The following ZNF236 variants were observed in gnomAD, a reference collection of about 807,000 sequenced individuals.
The protein encoded by ZNF236 is regulated by glucose.
ZNF236 carries 50 observed loss-of-function variants against 191.2 expected under a neutral mutation model. That is an observed-to-expected ratio of 0.26 (90% CI 0.21 to 0.33). The LOEUF is 0.33. ZNF236 is among the 10% of genes least tolerant of loss of function. ZNF236 has a pLI of 1.00. For missense variants in ZNF236, 1,754 were observed against 2,374.5 expected, an observed-to-expected ratio of 0.74 and a Z score of 5.43; for synonymous variants, 907 against 928.8, an observed-to-expected ratio of 0.98 and a Z score of 0.43.
Position 76,935,870 on chromosome 18 carries a change from T to C in ZNF236, c.4595-1286T>C, listed in dbSNP as rs576652982. On this transcript the variant is annotated intron_variant, in intron 25 of 30. Transcript: ENST00000320610. ...TCCTCGGGCTCCCACCAGCACTCTG[T>C]GCGGATGCTGGAGCAGGCGGGAGGG... 2.3e-5 allele frequency: 10 copies of C among 432,600 alleles called. No homozygotes were observed. The East Asian group carries it at 3.5e-4, about 15-fold the overall frequency. The allele number at this position is 432,600 out of a possible 1,614,324, so 26.8% of individuals were successfully genotyped here.
intron 26 of ZNF236, among the ~76,000 whole-genome samples, chr18:76,940,604 G>A (rs1015834251): frequency 1.3e-5 from 2 of 152,192 alleles, no homozygotes; most frequent in Non-Finnish European, 2.9e-5. Context: ...GAAAAACCCA[G>A]AAAGGCATTT....
intron 1 of ZNF236, among the ~76,000 whole-genome samples, chr18:76,823,455 G>T (rs925963094): frequency 2.0e-5 from 3 of 151,076 alleles, no homozygotes; most frequent in Non-Finnish European, 3.0e-5. Context: ...TTGTGATCCG[G>T]GTAGCTTGAA....
chr18:76,849,489 A>G (rs747770363), intron 1 of ZNF236, 37 bp from the exon 2 acceptor site: 1 of 1,505,674 alleles, frequency 6.6e-7, no homozygotes. Context: ...GAGAATAACA[A>G]CTGGTATTTA....
chr18:76,948,590 G>T (rs1484091037), intron 27 of ZNF236, among the ~76,000 whole-genome samples: 1 of 152,202 alleles, frequency 6.6e-6, no homozygotes, highest in East Asian at 1.9e-4. Flanking sequence ...AAAGGCACGT[G>T]GGGTGGAGTC....
rs748518518 is a variant in ZNF236, at chr18:76,935,956, C to G, written c.4595-1200C>G. On this transcript the variant is annotated intron_variant, in intron 25 of 30. Coordinates refer to ENST00000320610, the MANE Select transcript of ZNF236 (RefSeq NM_001306089.2). ...TTCAGCGCTCGAGCCTCCCAGCCTG[C>G]TAATGGTTCTACTGCTTTTGAAGGT... 1.5e-5 allele frequency: 7 copies of G among 456,772 alleles called. 1 individual carries two copies. The highest frequency in any genetic ancestry group is 1.1e-4 in the South Asian group (7 of 64,564). 28.3% of individuals were successfully genotyped at this position (456,772 alleles called of 1,614,324 possible).
At chr18:76,858,113 T>C (rs769305938) in intron 3 of ZNF236, among the ~76,000 whole-genome samples, 3 of 152,206 alleles carry the variant, frequency 2.0e-5, no homozygotes, top group Non-Finnish European at 2.9e-5. Context: ...CAGCCTCATC[T>C]ACACATAATA....
At chr18:76,849,004 T>C (rs1478757675) in intron 1 of ZNF236, among the ~76,000 whole-genome samples, 1 of 152,224 alleles carries the variant, frequency 6.6e-6, no homozygotes, top group Non-Finnish European at 1.5e-5. Flanking sequence ...TTTTGAGACA[T>C]TGAGTTTGTG....
chr18:76,950,747 T>C (rs575607534), intron 27 of ZNF236, among the ~76,000 whole-genome samples: 4 of 152,298 alleles, frequency 2.6e-5, no homozygotes, highest in African/African-American at 9.6e-5. Context: ...GCATATAGAG[T>C]GGTGAATCCT....
intron 3 of ZNF236, among the ~76,000 whole-genome samples, chr18:76,856,079 TA>T (rs567705085): frequency 2.0e-5 from 3 of 151,192 alleles, no homozygotes; most frequent in African/African-American, 7.3e-5. Flanking sequence ...AATTATTACT[TA>T]AAAAAAAATA....
In ZNF236 at chr18:76,881,345, G is replaced by A; in HGVS notation, c.1250G>A (p.Cys417Tyr). The A allele has an allele frequency of 6.2e-7, 1 of 1,614,094 alleles. No individual in the cohort carries two copies. Among genetic ancestry groups the A allele is most frequent in the Non-Finnish European group, 8.5e-7 (1 of 1,180,040 alleles). The change falls in exon 9 of 31, where the codon TGC becomes TAC. Residue 417 changes from cysteine to tyrosine, a missense_variant. Around this residue, in one of 5 missense-constraint regions of ZNF236, gnomAD observed 126 missense variants for 110.9 expected, o/e 1.14. Coordinates refer to ENST00000320610, the MANE Select transcript of ZNF236 (RefSeq NM_001306089.2). The part of the protein sequence containing the change: ...IPAAAHPNDS[C>Y]HAKTSAPHAQ... ...GCTGCAGCACATCCTAATGACTCCT[G>A]CCATGCCAAGACCTCTGCACCACAC...
intron 13 of ZNF236, among the ~76,000 whole-genome samples, chr18:76,905,848 TTAGATATTCCA>T (rs1568223029): frequency 1.3e-5 from 2 of 152,236 alleles, no homozygotes; most frequent in Non-Finnish European, 2.9e-5. Flanking sequence ...AATACATATT[TTAGATATTCCA>T]TAAACTTTTC....
intron 1 of ZNF236, among the ~76,000 whole-genome samples, chr18:76,839,650 C>T (rs566049806): frequency 1.3e-5 from 2 of 152,048 alleles, no homozygotes; most frequent in Non-Finnish European, 2.9e-5. Flanking sequence ...CAGTGTCTTC[C>T]CAGTCTCTGC....
intron 9 of ZNF236, among the ~76,000 whole-genome samples, chr18:76,894,171 A>G (rs1977328741): frequency 1.3e-5 from 2 of 152,370 alleles, no homozygotes; most frequent in African/African-American, 2.4e-5. Context: ...AGTTACCTGC[A>G]TTCAACCAAA....
chr18:76,902,113 G>A (rs191516949), intron 11 of ZNF236, among the ~76,000 whole-genome samples: 6 of 152,316 alleles, frequency 3.9e-5, no homozygotes, highest in African/African-American at 7.2e-5. Flanking sequence ...CCAGATAGGG[G>A]AACCTGAATT....
chr18:76,906,541 G>T (rs2122748257), intron 13 of ZNF236, among the ~76,000 whole-genome samples: 1 of 152,278 alleles, frequency 6.6e-6, no homozygotes, highest in Non-Finnish European at 1.5e-5. Context: ...TTGGGCGCTT[G>T]CTTGCTCAGT....
chr18:76,926,460 T>G (rs1967680277), intron 22 of ZNF236, among the ~76,000 whole-genome samples: 1 of 151,822 alleles, frequency 6.6e-6, no homozygotes, highest in African/African-American at 2.4e-5. Context: ...TGATTAGACA[T>G]TGTGTGTATA....
intron 27 of ZNF236, among the ~76,000 whole-genome samples, chr18:76,950,239 C>T (rs149673502): frequency 8.5e-4 from 130 of 152,298 alleles, no homozygotes; most frequent in African/African-American, 2.8e-3. Context: ...TAGCATTTTA[C>T]GCAAAGTAGA....
At chr18:76,954,662 A>G (rs1036962633) in intron 27 of ZNF236, among the ~76,000 whole-genome samples, 15 of 152,146 alleles carry the variant, frequency 9.9e-5, no homozygotes, top group Non-Finnish European at 1.9e-4. Flanking sequence ...GTAGACACAC[A>G]CCCGACACAG....
In ZNF236 at chr18:76,919,949, C is replaced by T. The variant is rs750101274; in HGVS notation, c.3448C>T (p.Arg1150Cys). The part of the protein sequence containing the change: ...VLVQSAAEKD[R>C]ISELRDKQAE... ...GGTGCAGTCCGCGGCAGAAAAGGAC[C>T]GCATCAGTGAGCTGAGGGACAAGCA... Residue 1150 changes from arginine (R) to cysteine (C), a missense_variant, in exon 20 of 31, where the codon CGC (arginine) becomes TGC (cysteine). Around this residue, in one of 5 missense-constraint regions of ZNF236, gnomAD observed 641 missense variants for 869.6 expected, o/e 0.74. Coordinates refer to ENST00000320610, the MANE Select transcript of ZNF236 (RefSeq NM_001306089.2). This position sits in a 1 kb window ranked among gnomAD's most constrained non-coding sequence, Gnocchi z 5.3. The T allele has an allele frequency of 2.5e-6, 4 of 1,614,160 alleles. No individual in the cohort carries two copies. The highest frequency in any genetic ancestry group is 2.5e-6 in the Non-Finnish European group (3 of 1,180,026).
Sources: gnomAD v4.1 joint callset for allele counts (sites outside exome capture counted in the v4.1 genomes callset) on GRCh38, gnomAD v4.1.1 for gene constraint, gnomAD v4.1.1 regional missense constraint, Gnocchi (gnomAD v3.1) non-coding constraint, MANE v1.5 for transcripts, NCBI Gene and HGNC (gene_info 2026-07-23, HGNC 2026-07-21) for gene names.